SPACA7: variants seen among roughly 807,000 people sequenced by gnomAD.
SPACA7 encodes sperm acrosome-associated protein 7.
Under a neutral mutation model 26.3 loss-of-function variants are expected in SPACA7, and 19 were observed. The observed-to-expected ratio is 0.72, with a 90% CI of 0.50 to 1.06. The LOEUF is 1.06. Ranked by LOEUF, SPACA7 falls within the 50% of genes least tolerant of loss-of-function variation. SPACA7 has a pLI of 0.00. For synonymous variants in SPACA7, 84 were observed against 84.5 expected, an observed-to-expected ratio of 0.99 and a Z score of 0.04; for missense variants, 211 against 229.9, an observed-to-expected ratio of 0.92 and a Z score of 0.53.
intron 5 of SPACA7, among the ~76,000 whole-genome samples, chr13:112,405,124 A>G (rs1381569462): frequency 6.6e-6 from 1 of 151,690 alleles, no homozygotes; most frequent in Admixed American, 6.6e-5. Context: ...CTGGGACTAC[A>G]GGCATCCGCC....
chr13:112,430,696 A>T (rs1042458304), intron 5 of SPACA7, among the ~76,000 whole-genome samples: 2 of 152,186 alleles, frequency 1.3e-5, no homozygotes, highest in Non-Finnish European at 2.9e-5. Context: ...TCATCTACGC[A>T]TGAAGACTAA....
intron 5 of SPACA7, among the ~76,000 whole-genome samples, chr13:112,402,528 C>G (rs565506051): frequency 1.3e-5 from 2 of 152,134 alleles, no homozygotes; most frequent in Non-Finnish European, 2.9e-5. Flanking sequence ...ATTGATGTCC[C>G]TTGCCTAATT....
chr13:112,391,153 A>G (rs375392654), intron 1 of SPACA7, among the ~76,000 whole-genome samples: 119 of 152,366 alleles, frequency 7.8e-4, no homozygotes, highest in African/African-American at 2.8e-3. Flanking sequence ...TAAGAGAGAA[A>G]AAAGGTCAGA....
In SPACA7 at chr13:112,421,035, T is replaced by C. The variant is rs148315854; in HGVS notation, c.446-11409T>C. On this transcript the variant is annotated intron_variant, in intron 5 of 6. Coordinates refer to ENST00000283550, the MANE Select transcript of SPACA7 (RefSeq NM_145248.5). ...GATTATTTCAGACAAAGATAACACA[T>C]CGTTAGCAGATCTGCAAAGTTAGAA... 1.0e-3 allele frequency among the ~76,000 whole-genome samples: 152 copies of C among 152,106 alleles called. 1 individual carries two copies. The highest frequency in any genetic ancestry group is 3.4e-3 in the African/African-American group (143 of 41,510).
chr13:112,404,142 T>C (rs111574550), intron 5 of SPACA7, among the ~76,000 whole-genome samples: 14,306 of 152,244 alleles, frequency 0.094, 758 homozygotes, highest in African/African-American at 0.12. Flanking sequence ...TGGTATAGCA[T>C]TGTGGTTTTG....
Position 112,398,059 on chromosome 13 carries a change from G to C in SPACA7, c.162G>C (p.Leu54=). Reference sequence around the variant, plus strand: ...TGTGCTTCTCCCAAGATGAAATTCTGGTCCAGGAGATTTTAGATCTGAATA... The same window carrying C: ...TGTGCTTCTCCCAAGATGAAATTCTCGTCCAGGAGATTTTAGATCTGAATA... ...EDMSELLDEI[L]VQEILDLNKT... Residue 54 remains leucine, a synonymous_variant, in exon 3 of 7, where the codon CTG becomes CTC. Coordinates refer to ENST00000283550, the MANE Select transcript of SPACA7 (RefSeq NM_145248.5). The C allele has an allele frequency of 6.2e-7, 1 of 1,612,530 alleles. No individual in the cohort carries two copies. The highest frequency in any genetic ancestry group is 8.5e-7 in the Non-Finnish European group (1 of 1,178,720).
chr13:112,407,026 C>A (rs1234141969), intron 5 of SPACA7, among the ~76,000 whole-genome samples: 1 of 152,144 alleles, frequency 6.6e-6, no homozygotes. Context: ...TCTCTCAGAC[C>A]ACAGTGCAAT....
chr13:112,427,138 G>T (rs1283072233), intron 5 of SPACA7, among the ~76,000 whole-genome samples: 1 of 152,174 alleles, frequency 6.6e-6, no homozygotes, highest in Non-Finnish European at 1.5e-5. Context: ...TCTGAGCATA[G>T]CAAATATTTT....
chr13:112,432,748 C>T (rs1458834196), intron 6 of SPACA7, among the ~76,000 whole-genome samples: 1 of 152,158 alleles, frequency 6.6e-6, no homozygotes, highest in African/African-American at 2.4e-5. Flanking sequence ...AGTGCTCTCC[C>T]TTTTCAGCTG....
At chr13:112,397,311 TGCCCA>T (rs1342178900) in intron 2 of SPACA7, among the ~76,000 whole-genome samples, 1 of 152,156 alleles carries the variant, frequency 6.6e-6, no homozygotes, top group Non-Finnish European at 1.5e-5. Flanking sequence ...CAGGACCCAC[TGCCCA>T]GCCCAGCACT....
chr13:112,401,985 T>A (rs1885675160), intron 5 of SPACA7, among the ~76,000 whole-genome samples: 1 of 152,242 alleles, frequency 6.6e-6, no homozygotes, highest in Non-Finnish European at 1.5e-5. Context: ...TATTTTAACC[T>A]CTGGGACACA....
chr13:112,423,808 T>C lies in SPACA7; in HGVS notation c.446-8636T>C, dbSNP rs555035169. Reference sequence around the variant, plus strand: ...CCAAGAGACGATCTGGCAATCAACCTGAAACAAGTTAAGATTTCTAAAACA... The same window carrying C: ...CCAAGAGACGATCTGGCAATCAACCCGAAACAAGTTAAGATTTCTAAAACA... On this transcript the variant is annotated intron_variant, in intron 5 of 6. Transcript: ENST00000283550. Among the ~76,000 whole-genome samples the C allele has an allele frequency of 2.0e-5, 3 of 152,344 alleles. No individual in the cohort carries two copies. In the South Asian group the frequency reaches 6.2e-4, roughly 32 times the overall value.
At position 112,402,682 on chromosome 13, in the gene SPACA7, G is replaced by C. The variant is rs1034329120; in HGVS notation, c.445+1518G>C. Reference sequence around the variant, plus strand: ...CTTTGGAACAGAGGCACACACATTTGAACATGTAAGGAAAGCATCCATCAA... The same window carrying C: ...CTTTGGAACAGAGGCACACACATTTCAACATGTAAGGAAAGCATCCATCAA... On this transcript the variant is annotated intron_variant, in intron 5 of 6. Transcript: ENST00000283550. 7.9e-5 allele frequency among the ~76,000 whole-genome samples: 12 copies of C among 152,138 alleles called. No individual in the cohort carries two copies. In the East Asian group the frequency reaches 2.1e-3, roughly 27 times the overall value.
chr13:112,414,217 G>A (rs1886530573), intron 5 of SPACA7, among the ~76,000 whole-genome samples: 1 of 151,968 alleles, frequency 6.6e-6, no homozygotes, highest in African/African-American at 2.4e-5. Flanking sequence ...ATATCAGCCT[G>A]TATTCAAGCC....
chr13:112,391,068 G>A (rs750282303), intron 1 of SPACA7, among the ~76,000 whole-genome samples: 19 of 152,178 alleles, frequency 1.2e-4, no homozygotes, highest in African/African-American at 3.6e-4. Flanking sequence ...TAGGTCTTTC[G>A]TTTCTTGTTT....
At chr13:112,411,133 G>T (rs866564771) in intron 5 of SPACA7, among the ~76,000 whole-genome samples, 66 of 150,368 alleles carry the variant, frequency 4.4e-4, no homozygotes, top group Middle Eastern at 3.4e-3. Flanking sequence ...CATTTGCTAT[G>T]TTTTTTTTAG....
chr13:112,425,532 G>T (rs1360570241), intron 5 of SPACA7, among the ~76,000 whole-genome samples: 1 of 152,150 alleles, frequency 6.6e-6, no homozygotes, highest in Non-Finnish European at 1.5e-5. Context: ...CCATTTATTC[G>T]ATTGGCACCA....
chr13:112,409,847 C>T (rs1886231864), intron 5 of SPACA7, among the ~76,000 whole-genome samples: 1 of 152,110 alleles, frequency 6.6e-6, no homozygotes, highest in African/African-American at 2.4e-5. Context: ...ACCATTTGAC[C>T]CAGCCATCCC....
At chr13:112,425,313 G>A (rs1876429809) in intron 5 of SPACA7, among the ~76,000 whole-genome samples, 4 of 152,186 alleles carry the variant, frequency 2.6e-5, no homozygotes, top group Admixed American at 2.6e-4. Flanking sequence ...GTTTACTGAT[G>A]GCACATGACA....
Sources: gnomAD v4.1 joint callset for allele counts (sites outside exome capture counted in the v4.1 genomes callset) on GRCh38, gnomAD v4.1.1 for gene constraint, MANE v1.5 for transcripts, NCBI Gene and HGNC (gene_info 2026-07-23, HGNC 2026-07-21) for gene names.